Variants in CD36 observed in about 807,000 individuals in gnomAD.
CD36 encodes CD36 molecule (CD36 blood group).
In CD36, 119 loss-of-function variants were observed where a neutral mutation model predicts 55.2. The observed-to-expected ratio is 2.15, with a 90% CI of 1.86 to 2.51. The LOEUF is 2.51. CD36 is among the 30% of genes most tolerant of loss of function. The pLI is 0.00. For synonymous variants in CD36, 186 were observed against 193.6 expected, an observed-to-expected ratio of 0.96 and a Z score of 0.33; for missense variants, 819 against 555.5, an observed-to-expected ratio of 1.47 and a Z score of -4.77.
intron 9 of CD36, chr7:80,670,626 G>T: frequency 3.2e-6 from 1 of 310,648 alleles, no homozygotes; most frequent in Non-Finnish European, 6.1e-6. Context: ...TCCAGTGAGT[G>T]GTCTTTCTTT....
intron 1 of CD36, among the ~76,000 whole-genome samples, chr7:80,620,283 C>G (rs1011684617): frequency 1.3e-5 from 2 of 152,038 alleles, no homozygotes; most frequent in Admixed American, 6.5e-5. Flanking sequence ...GAGCTTAGTC[C>G]CCAAGATTGC....
intron 9 of CD36, chr7:80,670,314 A>G (rs1352641613): frequency 4.9e-6 from 2 of 407,004 alleles, no homozygotes. Context: ...AGATGATGCA[A>G]ATGTAACAGA....
rs1012711992 is a variant in CD36 at position 80,678,038 on chromosome 7, T to C, written c.*1655T>C. 6.6e-6 allele frequency: 1 copy of C among 151,882 alleles called. No individual in the cohort carries two copies. Among genetic ancestry groups the C allele is most frequent in the African/African-American group, 2.4e-5 (1 of 41,340 alleles). The allele number at this position is 151,882 out of a possible 1,614,324, so 9.4% of individuals were successfully genotyped here. A position where few individuals can be genotyped will look rare whatever the true frequency, so the allele number is the denominator to read the frequency against. The stretch of plus-strand genomic sequence containing the variant: ...TAAAAATATGCAGTAGGAAAAATAA[T>C]TACTTAAGGGGAGATTTTTTTTACA... On this transcript the variant is annotated 3_prime_UTR_variant, in exon 15 of 15. Coordinates refer to ENST00000447544, the MANE Select transcript of CD36 (RefSeq NM_001001548.3).
At chr7:80,660,885 C>G (rs866207740) in intron 4 of CD36, among the ~76,000 whole-genome samples, 178 bp from the exon 5 acceptor site, 1 of 152,106 alleles carries the variant, frequency 6.6e-6, no homozygotes, top group African/African-American at 2.4e-5. Context: ...GTTTAAGACC[C>G]CTTCTCGTTA....
In CD36 at chr7:80,646,845, G is replaced by C. The variant is rs1244028699; in HGVS notation, c.105G>C (p.Gln35His). Residue 35 changes from glutamine (Q) to histidine (H), a missense_variant, in exon 3 of 15, where the codon CAG becomes CAC. By Grantham distance (24) the Gln-to-His change is conservative. Transcript: ENST00000447544. ...ILMPVGDLLI[Q>H]KTIKKQVVLE... ...TGCCAGTTGGAGACCTGCTTATCCAGAAGACAATTAAAAAGGTACAAGTAG... is the reference window on the plus strand; with the variant it reads ...TGCCAGTTGGAGACCTGCTTATCCACAAGACAATTAAAAAGGTACAAGTAG... The C allele has an allele frequency of 6.2e-7, 1 of 1,613,926 alleles. No homozygotes were observed. Among genetic ancestry groups the C allele is most frequent in the East Asian group, 2.2e-5 (1 of 44,862 alleles).
intron 1 of CD36, among the ~76,000 whole-genome samples, chr7:80,616,353 G>T (rs1345052887): frequency 6.6e-6 from 1 of 151,690 alleles, no homozygotes; most frequent in African/African-American, 2.4e-5. Context: ...TCTACTGAAT[G>T]TATATTGCTT....
chr7:80,672,873 ATGATC>A, intron 12 of CD36, 30 bp downstream of exon 12: 1 of 1,430,430 alleles, frequency 7.0e-7, no homozygotes, highest in Non-Finnish European at 9.8e-7. Context: ...TTATTTTGAT[ATGATC>A]TGTAGTATCG....
chr7:80,614,363 T>C (rs1193782338), intron 1 of CD36, among the ~76,000 whole-genome samples: 3 of 152,180 alleles, frequency 2.0e-5, no homozygotes, highest in Non-Finnish European at 4.4e-5. Context: ...CCTACATTTT[T>C]AGACCATCAT....
chr7:80,621,713 A>G (rs1451153042), intron 1 of CD36, among the ~76,000 whole-genome samples: 1 of 152,244 alleles, frequency 6.6e-6, no homozygotes, highest in Non-Finnish European at 1.5e-5. Context: ...GTAACAGGCC[A>G]CTAGTAACAG....
Position 80,661,128 on chromosome 7 carries a change from A to G in CD36, c.347A>G (p.Gln116Arg). 3 of 1,614,038 alleles carry G rather than the reference A, an allele frequency of 1.9e-6. No homozygotes were observed. Among genetic ancestry groups the G allele is most frequent in the Non-Finnish European group, 1.7e-6 (2 of 1,179,888 alleles). Residue 116 changes from glutamine to arginine, a missense_variant, in exon 5 of 15, where the codon CAG becomes CGG. Coordinates refer to ENST00000447544, the MANE Select transcript of CD36 (RefSeq NM_001001548.3). Reference sequence around the variant, plus strand: ...GAGGACAACACAGTCTCTTTCCTGCAGCCCAATGGTGCCATCTTCGAACCT... The same window carrying G: ...GAGGACAACACAGTCTCTTTCCTGCGGCCCAATGGTGCCATCTTCGAACCT... ...DAEDNTVSFL[Q>R]PNGAIFEPSL...
intron 5 of CD36, among the ~76,000 whole-genome samples, chr7:80,661,872 C>A (rs1357765453): frequency 1.3e-5 from 2 of 152,110 alleles, no homozygotes; most frequent in Non-Finnish European, 2.9e-5. Context: ...GCTCTAGAGA[C>A]CACACCACTG....
intron 3 of CD36, among the ~76,000 whole-genome samples, chr7:80,652,047 C>A (rs966737270): frequency 3.3e-5 from 5 of 151,662 alleles, no homozygotes; most frequent in Admixed American, 1.3e-4. Context: ...TCTAAAAGCT[C>A]AAAAATAAAT....
At chr7:80,602,638 C>G (rs559840959) in intron 1 of CD36, among the ~76,000 whole-genome samples, 1 of 152,038 alleles carries the variant, frequency 6.6e-6, no homozygotes, top group Non-Finnish European at 1.5e-5. Flanking sequence ...TTTCTAGTTG[C>G]CTAGTTCATG....
intron 1 of CD36, among the ~76,000 whole-genome samples, chr7:80,621,597 T>C (rs1365356692): frequency 6.6e-6 from 1 of 152,212 alleles, no homozygotes; most frequent in African/African-American, 2.4e-5. Context: ...AAAAATAAGG[T>C]ATTATGTCTA....
At chr7:80,650,880 T>C (rs1392699208) in intron 3 of CD36, among the ~76,000 whole-genome samples, 1 of 149,718 alleles carries the variant, frequency 6.7e-6, no homozygotes, top group African/African-American at 2.5e-5. Flanking sequence ...TTTTTGACCG[T>C]GATTCTTAAT....
intron 6 of CD36, 30 bp downstream of exon 6, chr7:80,663,199 T>C: frequency 6.4e-7 from 1 of 1,553,628 alleles, no homozygotes; most frequent in Non-Finnish European, 8.9e-7. Context: ...GGCAATATTA[T>C]TACATTTTAA....
intron 3 of CD36, among the ~76,000 whole-genome samples, chr7:80,649,503 A>G (rs970502302): frequency 6.8e-6 from 1 of 146,538 alleles, no homozygotes; most frequent in East Asian, 2.0e-4. Context: ...GAAAAAAAAA[A>G]CTGATAGATA....
At chr7:80,673,718 T>C in intron 13 of CD36, 1 of 563,050 alleles carries the variant, frequency 1.8e-6, no homozygotes, top group South Asian at 2.2e-5. Context: ...GGAAAAACAT[T>C]GAATAAGTCT....
Position 80,666,501 on chromosome 7 carries a change from T to C in CD36, c.748+12T>C. The C allele has an allele frequency of 6.3e-7, 1 of 1,599,014 alleles. No homozygotes were observed. The highest frequency in any genetic ancestry group is 8.6e-7 in the Non-Finnish European group (1 of 1,166,810). On this transcript the variant is annotated intron_variant, in intron 8 of 14. Coordinates refer to ENST00000447544, the MANE Select transcript of CD36 (RefSeq NM_001001548.3). ...GATTAATGGTACAGGTAAGAATATT[T>C]GTTTTGTGGTCATCACAGTTAATCC...
Sources: allele counts gnomAD v4.1 joint callset (sites outside exome capture counted in the v4.1 genomes callset), GRCh38; gene constraint gnomAD v4.1.1; transcripts MANE v1.5; gene names NCBI Gene and HGNC (gene_info 2026-07-23, HGNC 2026-07-21).